The following RIMKLA variants were observed in gnomAD, a reference collection of about 807,000 sequenced individuals.
RIMKLA encodes N-acetylaspartylglutamate synthase A.
Under a neutral mutation model 32.7 loss-of-function variants are expected in RIMKLA, and 14 were observed. The ratio of observed to expected loss-of-function variants is 0.43; its 90% CI spans 0.28 to 0.67. The LOEUF (loss-of-function observed/expected upper bound fraction) is 0.67. Among genes scored for constraint, RIMKLA ranks in the 30% least tolerant of loss-of-function variants. The pLI, the probability that RIMKLA is intolerant of heterozygous loss-of-function variation, is 0.18. For synonymous variants in RIMKLA, 176 were observed against 204.1 expected (o/e 0.86, Z 1.18); for missense variants, 410 against 519.0 (o/e 0.79, Z 2.04).
chr1:42,383,036 T>A (rs1399624864), intron 1 of RIMKLA, among the ~76,000 whole-genome samples: 1 of 136,922 alleles, frequency 7.3e-6, no homozygotes, highest in Non-Finnish European at 1.6e-5. Flanking sequence ...ATTTTTATTT[T>A]ATTTATTTAT....
At chr1:42,408,211 C>A (rs16829446) in intron 3 of RIMKLA, among the ~76,000 whole-genome samples, 1 of 152,086 alleles carries the variant, frequency 6.6e-6, no homozygotes, top group Admixed American at 6.5e-5. Context: ...CTTGCTGGGC[C>A]CTATCCAGCT....
At chr1:42,389,070 T>C (rs926167326) in intron 1 of RIMKLA, among the ~76,000 whole-genome samples, 1 of 152,162 alleles carries the variant, frequency 6.6e-6, no homozygotes, top group African/African-American at 2.4e-5. Flanking sequence ...GGATCAGATA[T>C]TGGGTGTTCA....
intron 1 of RIMKLA, among the ~76,000 whole-genome samples, chr1:42,397,723 TAAAA>T (rs919039921): frequency 1.3e-5 from 2 of 149,482 alleles, no homozygotes; most frequent in Admixed American, 6.7e-5. Flanking sequence ...ATCCTGTGTC[TAAAA>T]AAAAAATAAA....
Position 42,403,820 on chromosome 1 carries a change from G to T in RIMKLA, c.395-691G>T, listed in dbSNP as rs1237095271. Among the ~76,000 whole-genome samples the T allele has an allele frequency of 2.6e-5, 4 of 152,212 alleles. 1 individual carries two copies. The highest frequency in any genetic ancestry group is 4.8e-5 in the African/African-American group (2 of 41,448). Reference sequence around the variant, plus strand: ...TGAAATCATGGTGTCAGCTGGGGTTGTGGTCTTACCTGAAGTTTGGGGTCT... The same window carrying T: ...TGAAATCATGGTGTCAGCTGGGGTTTTGGTCTTACCTGAAGTTTGGGGTCT... On this transcript the variant is annotated intron_variant, in intron 2 of 4. Coordinates refer to ENST00000431473, the MANE Select transcript of RIMKLA (RefSeq NM_173642.4).
intron 1 of RIMKLA, among the ~76,000 whole-genome samples, chr1:42,396,236 C>CA (rs11363612): frequency 0.46 from 28,069 of 61,224 alleles, 6,683 homozygotes; most frequent in East Asian, 0.77. Context: ...AACTCCATCT[C>CA]AAAAAAAAAA....
chr1:42,383,511 G>C (rs1570312180), intron 1 of RIMKLA, among the ~76,000 whole-genome samples: 1 of 152,190 alleles, frequency 6.6e-6, no homozygotes, highest in East Asian at 1.9e-4. Flanking sequence ...ATGATCTCTG[G>C]TTCCTAGTTT....
chr1:42,385,844 C>CTTTCTCTTTCTTTCTT (rs1553175520), intron 1 of RIMKLA, among the ~76,000 whole-genome samples: 2 of 56,996 alleles, frequency 3.5e-5, no homozygotes, highest in Admixed American at 2.1e-4. Flanking sequence ...TTCTTTCTTT[C>CTTTCTCTTTCTTTCTT]TCTTTCTTTC....
Position 42,399,440 on chromosome 1 carries a change from C to T in RIMKLA, c.200C>T (p.Pro67Leu), listed in dbSNP as rs761185499. ...QLNQKALTTF[P>L]DVVLVRVPTP... The stretch of plus-strand genomic sequence containing the variant: ...AACCAGAAGGCCCTCACCACTTTCC[C>T]GGATGTGGTGCTTGTACGGGTACCC... The change falls in exon 2 of 5, where the codon CCG (proline) becomes CTG (leucine). Residue 67 changes from proline to leucine, a missense_variant. By Grantham distance (98) the Pro-to-Leu change is moderately conservative (BLOSUM62 -3). Coordinates refer to ENST00000431473, the MANE Select transcript of RIMKLA (RefSeq NM_173642.4). The T allele has an allele frequency of 3.7e-6, 6 of 1,612,466 alleles. No individual in the cohort carries two copies. The Admixed American group carries it at 5.0e-5, about 13-fold the overall frequency.
Position 42,410,108 on chromosome 1 carries a change from G to T in RIMKLA, c.606G>T (p.Val202=), listed in dbSNP as rs776764115. The T allele has an allele frequency of 4.3e-6, 7 of 1,614,090 alleles. No homozygotes were observed. Among genetic ancestry groups the T allele is most frequent in the Non-Finnish European group, 5.9e-6 (7 of 1,180,036 alleles). Residue 202 remains valine, a synonymous_variant, in exon 4 of 5, where the codon GTG becomes GTT. Transcript: ENST00000431473. Reference sequence around the variant, plus strand: ...AGTCCCATGGAAAGGACATCCGGGTGGTGGTGGTAGGGGGCCAGGTCATAG... The same window carrying T: ...AGTCCCATGGAAAGGACATCCGGGTTGTGGTGGTAGGGGGCCAGGTCATAG... ...VKESHGKDIR[V]VVVGGQVIGS... is the part of the protein sequence containing the mutation.
chr1:42,381,143 C>T, intron 1 of RIMKLA, 46 bp downstream of exon 1: 4 of 1,237,564 alleles, frequency 3.2e-6, no homozygotes, highest in East Asian at 3.2e-5. Context: ...CGCCGGGGTC[C>T]ACGAGAGCCG....
chr1:42,401,710 A>T (rs577504310), intron 2 of RIMKLA, among the ~76,000 whole-genome samples: 1 of 152,284 alleles, frequency 6.6e-6, no homozygotes, highest in East Asian at 1.9e-4. Context: ...GGAAGTTAGG[A>T]AATGGAAACA....
chr1:42,405,140 C>CT (rs1298245763), intron 3 of RIMKLA, among the ~76,000 whole-genome samples: 1 of 152,216 alleles, frequency 6.6e-6, no homozygotes, highest in Non-Finnish European at 1.5e-5. Context: ...TCTCTGCTCA[C>CT]TTGGTCAACT....
intron 1 of RIMKLA, among the ~76,000 whole-genome samples, chr1:42,386,317 C>T (rs1005546371): frequency 5.9e-5 from 9 of 151,902 alleles, no homozygotes; most frequent in African/African-American, 1.9e-4. Flanking sequence ...ACAGCCATCA[C>T]TCAGAGATGT....
intron 1 of RIMKLA, 143 bp from the exon 2 acceptor site, chr1:42,399,261 T>C (rs923816288): frequency 3.2e-6 from 2 of 615,594 alleles, no homozygotes; most frequent in East Asian, 2.7e-5. Flanking sequence ...CTATAGAGTT[T>C]CCTTGTACAC....
chr1:42,388,633 C>T (rs1246129132), intron 1 of RIMKLA, among the ~76,000 whole-genome samples: 2 of 151,912 alleles, frequency 1.3e-5, no homozygotes, highest in Non-Finnish European at 2.9e-5. Context: ...AGTTCTCTGC[C>T]GCAGCCTCCC....
chr1:42,405,142 T>C (rs1643132218), intron 3 of RIMKLA, among the ~76,000 whole-genome samples: 1 of 152,208 alleles, frequency 6.6e-6, no homozygotes, highest in Admixed American at 6.5e-5. Flanking sequence ...TCTGCTCACT[T>C]GGTCAACTTC....
Position 42,419,133 on chromosome 1 carries a change from T to C in RIMKLA, c.*4159T>C, listed in dbSNP as rs1435135958. On this transcript the variant is annotated 3_prime_UTR_variant, in exon 5 of 5. Transcript: ENST00000431473. Reference sequence around the variant, plus strand: ...ACGATTCTTCTAAGGGCTATAATGTTATAATCTTTTCCTAAAACTAAATCA... The same window carrying C: ...ACGATTCTTCTAAGGGCTATAATGTCATAATCTTTTCCTAAAACTAAATCA... 6.6e-6 allele frequency: 1 copy of C among 152,228 alleles called. No homozygotes were observed. The highest frequency in any genetic ancestry group is 1.5e-5 in the Non-Finnish European group (1 of 68,048). 9.4% of individuals were successfully genotyped at this position (152,228 alleles called of 1,614,324 possible).
At chr1:42,382,844 C>T (rs1199611040) in intron 1 of RIMKLA, among the ~76,000 whole-genome samples, 1 of 151,912 alleles carries the variant, frequency 6.6e-6, no homozygotes, top group East Asian at 1.9e-4. Context: ...AATCTATTCA[C>T]AAACCAGGAG....
intron 1 of RIMKLA, among the ~76,000 whole-genome samples, chr1:42,387,172 C>T (rs11210631): frequency 0.2 from 29,446 of 150,264 alleles, 3,244 homozygotes; most frequent in African/African-American, 0.29. Context: ...ACCTGGGAGG[C>T]GGAGGTTGCA....
Sources: allele counts gnomAD v4.1 joint callset (sites outside exome capture counted in the v4.1 genomes callset), GRCh38; gene constraint gnomAD v4.1.1; transcripts MANE v1.5; gene names NCBI Gene and HGNC (gene_info 2026-07-23, HGNC 2026-07-21).